HERC2: variants seen among roughly 807,000 people sequenced by gnomAD.
HERC2 encodes the protein E3 ubiquitin-protein ligase HERC2.
In HERC2, 102 loss-of-function variants were observed where a neutral mutation model predicts 537.7. The ratio of observed to expected loss-of-function variants is 0.19; its 90% confidence interval spans 0.16 to 0.22. HERC2 has a LOEUF of 0.22. Ranked by LOEUF, HERC2 falls within the 10% of genes least tolerant of loss-of-function variation. The pLI is 1.00. For synonymous variants in HERC2, 2,224 were observed against 2,466.2 expected, an observed-to-expected ratio of 0.90 and a Z score of 2.91; for missense variants, 4,236 against 6,198.2, an observed-to-expected ratio of 0.68 and a Z score of 10.63.
intron 15 of HERC2, among the ~76,000 whole-genome samples, chr15:28,261,938 C>T (rs909246641): frequency 6.6e-6 from 1 of 152,136 alleles, no homozygotes; most frequent in Non-Finnish European, 1.5e-5. Context: ...CAGGACCCAA[C>T]GAACTACAGC....
At chr15:28,267,672 T>C (rs913475055) in intron 12 of HERC2, among the ~76,000 whole-genome samples, 1 of 152,266 alleles carries the variant, frequency 6.6e-6, no homozygotes, top group African/African-American at 2.4e-5. Context: ...ACTCTGCTTT[T>C]CTCCCAGTTT....
In HERC2 at chr15:28,211,091, T is replaced by G; in HGVS notation, c.6980A>C (p.Lys2327Thr). The part of the protein sequence containing the change: ...RCQQLKLYIL[K>T]AGRALLSHQD... ...GTGGGAGAGCAGCGCCCGACCTGCT[T>G]TCAGGATGTATAGCTTCAACTGCTG... The change falls in exon 44 of 93, where the codon AAA becomes ACA. Residue 2327 changes from lysine (K) to threonine (T), a missense_variant. Lys to Thr is a moderately conservative substitution (Grantham distance 78). This residue lies in a region of HERC2 where 67 missense variants were observed against 140.1 expected (regional missense o/e 0.48). Transcript: ENST00000261609. 6.2e-7 allele frequency: 1 copy of G among 1,611,376 alleles called. No individual in the cohort carries two copies. The highest frequency in any genetic ancestry group is 1.1e-5 in the South Asian group (1 of 90,962).
intron 70 of HERC2, among the ~76,000 whole-genome samples, chr15:28,148,052 G>T (rs969476441): frequency 6.9e-6 from 1 of 144,616 alleles, no homozygotes; most frequent in South Asian, 2.2e-4. Context: ...AAAAAAAAAA[G>T]AAAAGTGAGA....
In HERC2 at chr15:28,228,730, C is replaced by T. The variant is rs142254746; in HGVS notation, c.5273-321G>A. On this transcript the variant is annotated intron_variant, in intron 34 of 92. Transcript: ENST00000261609. ...GAGTGGGCAGCTCTGTCATGCTGCACGATGGGCCTACCCCCTGCATTCTAT... is the reference window on the plus strand; with the variant it reads ...GAGTGGGCAGCTCTGTCATGCTGCATGATGGGCCTACCCCCTGCATTCTAT... Among the ~76,000 whole-genome samples, 663 of 152,368 alleles carry T rather than the reference C, an allele frequency of 4.4e-3. 7 individuals are homozygous for T. The highest frequency in any genetic ancestry group is 0.015 in the African/African-American group (620 of 41,588).
intron 56 of HERC2, 59 bp from the exon 57 acceptor site, chr15:28,182,571 T>A: frequency 1.6e-6 from 2 of 1,281,736 alleles, no homozygotes; most frequent in Non-Finnish European, 2.2e-6. Flanking sequence ...ATAAAACATT[T>A]AAAAAATAAA....
At chr15:28,263,786 C>T (rs1416628516) in intron 14 of HERC2, among the ~76,000 whole-genome samples, 1 of 151,992 alleles carries the variant, frequency 6.6e-6, no homozygotes, top group Non-Finnish European at 1.5e-5. Flanking sequence ...AATCCCAGAA[C>T]TTTGGGAGGC....
intron 2 of HERC2, among the ~76,000 whole-genome samples, chr15:28,310,000 ACTC>A (rs2141266732): frequency 6.6e-6 from 1 of 152,200 alleles, no homozygotes; most frequent in East Asian, 1.9e-4. Flanking sequence ...GGAGAGGTAA[ACTC>A]CTTCCAAAAA....
intron 84 of HERC2, among the ~76,000 whole-genome samples, 187 bp downstream of exon 84, chr15:28,124,819 G>C (rs1462182604): frequency 6.6e-6 from 1 of 152,202 alleles, no homozygotes; most frequent in Non-Finnish European, 1.5e-5. Context: ...CAAAGTGTTG[G>C]GATTACAGGT....
At chr15:28,126,836 C>A (rs915427948) in intron 83 of HERC2, among the ~76,000 whole-genome samples, 1 of 152,092 alleles carries the variant, frequency 6.6e-6, no homozygotes, top group Non-Finnish European at 1.5e-5. Flanking sequence ...AACCAAACAC[C>A]ACCTGTTCGC....
At chr15:28,164,874 T>G (rs1893971122) in intron 68 of HERC2, among the ~76,000 whole-genome samples, 1 of 152,232 alleles carries the variant, frequency 6.6e-6, no homozygotes, top group Non-Finnish European at 1.5e-5. Flanking sequence ...AAATTAGAAG[T>G]TGATTCCAGG....
intron 2 of HERC2, among the ~76,000 whole-genome samples, chr15:28,317,602 A>G (rs1019750939): frequency 6.6e-6 from 1 of 152,220 alleles, no homozygotes; most frequent in African/African-American, 2.4e-5. Flanking sequence ...CACAGTAACA[A>G]AATTATAGAG....
intron 2 of HERC2, among the ~76,000 whole-genome samples, chr15:28,305,710 G>A (rs11508650): frequency 1.6e-4 from 22 of 135,880 alleles, no homozygotes; most frequent in Non-Finnish European, 2.9e-4. Flanking sequence ...CTTCTGCACA[G>A]CAAAAGAAAC....
intron 45 of HERC2, chr15:28,203,242 G>GT (rs1898064650): frequency 7.6e-6 from 1 of 130,812 alleles, no homozygotes; most frequent in South Asian, 3.0e-4. Context: ...TGATCTGTCT[G>GT]TAACTCCCTG....
chr15:28,119,594 C>T (rs1888660261), intron 86 of HERC2, among the ~76,000 whole-genome samples: 1 of 151,852 alleles, frequency 6.6e-6, no homozygotes, highest in Non-Finnish European at 1.5e-5. Context: ...GCTGGGACTA[C>T]AGGCACCCAC....
chr15:28,255,525 T>A (rs888610270), intron 19 of HERC2, among the ~76,000 whole-genome samples: 9 of 152,146 alleles, frequency 5.9e-5, no homozygotes, highest in Non-Finnish European at 8.8e-5. Context: ...ATAGTTATAT[T>A]GCTGCGACAC....
At chr15:28,281,855 A>C (rs1189231754) in intron 4 of HERC2, among the ~76,000 whole-genome samples, 2 of 151,942 alleles carry the variant, frequency 1.3e-5, no homozygotes, top group African/African-American at 4.8e-5. Flanking sequence ...GCCCTTCCTG[A>C]AGAGTCACTG....
chr15:28,245,910 T>C lies in HERC2; in HGVS notation c.3548A>G (p.His1183Arg). Residue 1183 changes from histidine to arginine, a missense_variant, in exon 23 of 93, where the codon CAT (histidine) becomes CGT (arginine). Around this residue, in one of 27 missense-constraint regions of HERC2, gnomAD observed 754 missense variants for 1,085.0 expected, o/e 0.69. Transcript: ENST00000261609. Reference protein sequence around the residue: ...HLAPGKERDDHEELAWPGIME... With the variant: ...HLAPGKERDDREELAWPGIME... ...TATGCCAGGCCAGGCTAACTCTTCA[T>C]GATCATCCCGTTCCTTTCCTGGTGC... 6.2e-7 allele frequency: 1 copy of C among 1,614,136 alleles called. No individual in the cohort carries two copies. The highest frequency in any genetic ancestry group is 8.5e-7 in the Non-Finnish European group (1 of 1,180,022).
chr15:28,145,305 G>A (rs546343757), intron 71 of HERC2, among the ~76,000 whole-genome samples: 76 of 152,362 alleles, frequency 5.0e-4, no homozygotes, highest in South Asian at 1.0e-3. Context: ...CCTGGCTGCT[G>A]TGGACAGGAG....
At position 28,265,113 on chromosome 15, in the gene HERC2, T is replaced by A. The variant is rs988986564; in HGVS notation, c.1870+505A>T. On this transcript the variant is annotated intron_variant, in intron 14 of 92. Transcript: ENST00000261609. This position sits in a 1 kb window ranked among gnomAD's most constrained non-coding sequence, Gnocchi z 4.0. ...AGATGCCAAGGACAGACCACCACAA[T>A]ACTGAAAGACGAGTCATTTCTAAAA... is the stretch of plus-strand genomic sequence containing the variant. 2.0e-5 allele frequency among the ~76,000 whole-genome samples: 3 copies of A among 151,988 alleles called. No individual in the cohort carries two copies. The East Asian group carries it at 5.8e-4, about 29-fold the overall frequency.
Sources: allele counts gnomAD v4.1 joint callset (sites outside exome capture counted in the v4.1 genomes callset), GRCh38; gene constraint gnomAD v4.1.1; regional missense constraint gnomAD v4.1.1; non-coding constraint Gnocchi (gnomAD v3.1); transcripts MANE v1.5; gene names NCBI Gene and HGNC (gene_info 2026-07-23, HGNC 2026-07-21).